NYAP2: variants seen among roughly 807,000 people sequenced by gnomAD.
NYAP2 encodes the protein neuronal tyrosine-phosphorylated phosphoinositide-3-kinase adapter 2.
NYAP2 carries 23 observed loss-of-function variants against 50.4 expected under a neutral mutation model. That is an observed-to-expected ratio of 0.46 (90% CI 0.33 to 0.65). NYAP2 has a LOEUF of 0.65. Ranked by LOEUF, NYAP2 falls within the 30% of genes least tolerant of loss-of-function variation. The probability of loss-of-function intolerance (pLI) is 0.02; values close to 1 mark genes in which losing one functional copy is unlikely to be tolerated. For missense variants in NYAP2, 885 were observed against 861.0 expected, an observed-to-expected ratio of 1.03 and a Z score of -0.35; for synonymous variants, 394 against 365.2, an observed-to-expected ratio of 1.08 and a Z score of -0.90.
chr2:225,488,701 A>G (rs1435579509), intron 3 of NYAP2, among the ~76,000 whole-genome samples: 1 of 152,152 alleles, frequency 6.6e-6, no homozygotes, highest in Non-Finnish European at 1.5e-5. Context: ...ATGAGCCACC[A>G]CATCCAGCCT....
At chr2:225,638,524 G>A (rs1693467252) in intron 6 of NYAP2, among the ~76,000 whole-genome samples, 1 of 152,044 alleles carries the variant, frequency 6.6e-6, no homozygotes, top group Non-Finnish European at 1.5e-5. Context: ...TCTGGAGGTG[G>A]CCTAGACCAT....
intron 4 of NYAP2, among the ~76,000 whole-genome samples, chr2:225,529,027 T>A (rs80260527): frequency 0.037 from 5,591 of 152,330 alleles, 146 homozygotes; most frequent in Non-Finnish European, 0.058. Flanking sequence ...GCCTCAAACC[T>A]ATATAAAGAT....
chr2:225,628,697 T>C (rs1193265005), intron 6 of NYAP2, among the ~76,000 whole-genome samples: 1 of 152,184 alleles, frequency 6.6e-6, no homozygotes, highest in African/African-American at 2.4e-5. Flanking sequence ...TTGAGTCTTA[T>C]GATTAGTTTG....
intron 5 of NYAP2, among the ~76,000 whole-genome samples, chr2:225,616,670 G>A (rs1167125812): frequency 6.6e-6 from 1 of 152,110 alleles, no homozygotes; most frequent in Non-Finnish European, 1.5e-5. Flanking sequence ...TTTCAGAATT[G>A]AGCCAAGGTT....
In NYAP2 at chr2:225,459,829, C is replaced by T. The variant is rs535656729; in HGVS notation, c.221+50728C>T. 1.5e-3 allele frequency among the ~76,000 whole-genome samples: 226 copies of T among 152,030 alleles called. 1 individual carries two copies. Among genetic ancestry groups the T allele is most frequent in the Non-Finnish European group, 2.4e-3 (160 of 67,954 alleles). On this transcript the variant is annotated intron_variant, in intron 3 of 6. Coordinates refer to ENST00000636099, the Ensembl canonical transcript of NYAP2. Reference sequence around the variant, plus strand: ...CTGGGACTACAGGCACCCGCCACCACGCCTGGCTAATTTTTTTGTGTTTTT... The same window carrying T: ...CTGGGACTACAGGCACCCGCCACCATGCCTGGCTAATTTTTTTGTGTTTTT...
chr2:225,546,186 C>T (rs984587745), intron 4 of NYAP2, among the ~76,000 whole-genome samples: 1 of 152,128 alleles, frequency 6.6e-6, no homozygotes, highest in African/African-American at 2.4e-5. Context: ...CACTACCTAG[C>T]TACCACCTAT....
intron 5 of NYAP2, among the ~76,000 whole-genome samples, chr2:225,602,659 G>A (rs1432849754): frequency 6.6e-6 from 1 of 152,124 alleles, no homozygotes; most frequent in Admixed American, 6.5e-5. Flanking sequence ...TAAGGTAAGA[G>A]TTCTACTCTA....
At chr2:225,479,140 T>C (rs1223784043) in intron 3 of NYAP2, among the ~76,000 whole-genome samples, 1 of 152,002 alleles carries the variant, frequency 6.6e-6, no homozygotes, top group African/African-American at 2.4e-5. Flanking sequence ...TAGGAAAAGA[T>C]TGAAAAAGGA....
chr2:225,435,857 A>G (rs542754579), intron 3 of NYAP2, among the ~76,000 whole-genome samples: 5 of 152,220 alleles, frequency 3.3e-5, no homozygotes, highest in Admixed American at 3.3e-4. Context: ...CTGGAAACAG[A>G]CAAATCTGGA....
At chr2:225,520,028 G>C (rs868182300) in intron 4 of NYAP2, among the ~76,000 whole-genome samples, 21 of 152,206 alleles carry the variant, frequency 1.4e-4, no homozygotes, top group African/African-American at 4.3e-4. Context: ...GCCAGTGATG[G>C]TGAGCATTTT....
At chr2:225,518,560 AT>A (rs1559202529) in intron 4 of NYAP2, among the ~76,000 whole-genome samples, 2,205 of 49,084 alleles carry the variant, frequency 0.045, 472 homozygotes, top group Middle Eastern at 0.09. Flanking sequence ...ATATATATAT[AT>A]ATATATATTA....
chr2:225,556,088 T>C (rs1254233267), intron 4 of NYAP2, among the ~76,000 whole-genome samples: 1 of 152,204 alleles, frequency 6.6e-6, no homozygotes, highest in Non-Finnish European at 1.5e-5. Flanking sequence ...TTTTTGCCAA[T>C]GGAGCCTCAT....
chr2:225,635,266 T>G (rs549908221), intron 6 of NYAP2, among the ~76,000 whole-genome samples: 296 of 152,298 alleles, frequency 1.9e-3, no homozygotes, highest in Non-Finnish European at 3.4e-3. Flanking sequence ...CATAGTTTTC[T>G]TTTTTTAGTG....
intron 3 of NYAP2, among the ~76,000 whole-genome samples, chr2:225,439,129 G>A (rs1045327265): frequency 1.4e-4 from 22 of 152,176 alleles, no homozygotes; most frequent in African/African-American, 5.1e-4. Context: ...AGGATCTTGG[G>A]TTAGGCTATG....
At chr2:225,446,573 G>A (rs1001369889) in intron 3 of NYAP2, among the ~76,000 whole-genome samples, 1 of 152,006 alleles carries the variant, frequency 6.6e-6, no homozygotes, top group Non-Finnish European at 1.5e-5. Context: ...CACAGAGGAA[G>A]GAAGTGTTAA....
chr2:225,421,713 T>C (rs2894561), intron 3 of NYAP2, among the ~76,000 whole-genome samples: 22,403 of 152,270 alleles, frequency 0.15, 2,680 homozygotes, highest in African/African-American at 0.34. Flanking sequence ...TCCGGCCTAG[T>C]GGCCTCTGGA....
chr2:225,566,092 T>C (rs1003621382), intron 4 of NYAP2, among the ~76,000 whole-genome samples: 1 of 152,184 alleles, frequency 6.6e-6, no homozygotes, highest in Non-Finnish European at 1.5e-5. Context: ...TTTATAATTG[T>C]ACCTACCTCA....
rs1307749646 is a variant in NYAP2 at position 225,446,212 on chromosome 2, GTCTGTC to G, written c.221+37115_221+37120del. 1.9e-3 allele frequency among the ~76,000 whole-genome samples: 89 copies of G among 47,256 alleles called. 1 individual carries two copies. Among genetic ancestry groups the G allele is most frequent in the African/African-American group, 4.7e-3 (83 of 17,598 alleles). 31.0% of individuals were successfully genotyped at this position (47,256 alleles called of 152,430 possible). A position where few individuals can be genotyped will look rare whatever the true frequency, so the allele number is the denominator to read the frequency against. On this transcript the variant is annotated intron_variant, in intron 3 of 6. Coordinates refer to ENST00000636099, the Ensembl canonical transcript of NYAP2. ...TGTCTGTCTGTCTGTCTGTCTGTCT[GTCTGTC>G]TCTCTCTCTCTCTCTCTCTCTCTCT... is the stretch of plus-strand genomic sequence containing the variant.
At chr2:225,499,843 A>T (rs1690573787) in intron 3 of NYAP2, among the ~76,000 whole-genome samples, 2 of 152,190 alleles carry the variant, frequency 1.3e-5, no homozygotes, top group Non-Finnish European at 2.9e-5. Context: ...AGAGACAAGA[A>T]AAAATAGCAG....
Sources: gnomAD v4.1 joint callset for allele counts (sites outside exome capture counted in the v4.1 genomes callset) on GRCh38, gnomAD v4.1.1 for gene constraint, MANE v1.5 for transcripts, NCBI Gene and HGNC (gene_info 2026-07-23, HGNC 2026-07-21) for gene names.